BRDT: variants seen among roughly 807,000 people sequenced by gnomAD.
The protein encoded by BRDT is bromodomain testis-specific protein.
In BRDT, 77 loss-of-function variants were observed where a neutral mutation model predicts 113.9. The ratio of observed to expected loss-of-function variants is 0.68; its 90% confidence interval spans 0.56 to 0.82. The LOEUF is 0.82. Among genes scored for constraint, BRDT ranks in the 40% least tolerant of loss-of-function variants. BRDT has a pLI of 0.00. For synonymous variants in BRDT, 358 were observed against 366.5 expected (o/e 0.98, Z 0.26); for missense variants, 1,027 against 1,105.4 (o/e 0.93, Z 1.01).
rs1684732192 is a variant in BRDT at position 91,981,537 on chromosome 1, C to T, written c.1865-81C>T. ...GAGATTACAGGCATGCGCGACCATG[C>T]CCAGCCTAGGTGGCAGTTTTTAAAT... On this transcript the variant is annotated intron_variant, in intron 11 of 18. Transcript: ENST00000399546. 3 of 1,578,302 alleles carry T rather than the reference C, an allele frequency of 1.9e-6. No homozygotes were observed. The South Asian group carries it at 3.5e-5, about 19-fold the overall frequency.
In BRDT at chr1:91,962,945, C is replaced by T. The variant is rs1682645930; in HGVS notation, c.191C>T (p.Pro64Leu). ...RPVDAVKLQL[P>L]DYYTIIKNPM... The stretch of plus-strand genomic sequence containing the variant: ...GTGGATGCTGTGAAACTACAGTTGC[C>T]TGTATGTATGTCTTCAACTATGTTA... Residue 64 changes from proline to leucine, a missense_variant and splice_region_variant, in exon 2 of 19, where the codon CCT becomes CTT. Pro to Leu is a moderately conservative substitution (Grantham distance 98). Coordinates refer to ENST00000399546, the MANE Select transcript of BRDT (RefSeq NM_207189.4). 2 of 1,582,272 alleles carry T rather than the reference C, an allele frequency of 1.3e-6. No individual in the cohort carries two copies. The highest frequency in any genetic ancestry group is 4.5e-5 in the East Asian group (2 of 44,252).
intron 3 of BRDT, among the ~76,000 whole-genome samples, chr1:91,967,326 TC>T (rs986739170): frequency 5.6e-4 from 85 of 151,538 alleles, no homozygotes; most frequent in African/African-American, 2.0e-3. Context: ...AACCTCCACC[TC>T]CCGGTTCAAG....
intron 12 of BRDT, among the ~76,000 whole-genome samples, chr1:91,990,222 A>G (rs1416474576): frequency 6.6e-6 from 1 of 152,228 alleles, no homozygotes; most frequent in Non-Finnish European, 1.5e-5. Flanking sequence ...TGCCAGTGTC[A>G]GCTGTACAGT....
At chr1:91,990,880 C>T (rs550452161) in intron 12 of BRDT, among the ~76,000 whole-genome samples, 6 of 152,304 alleles carry the variant, frequency 3.9e-5, no homozygotes, top group African/African-American at 1.4e-4. Flanking sequence ...TCACTGCAAC[C>T]TCCGCTTCCC....
chr1:92,014,088 T>C (rs1212567542), intron 18 of BRDT, 118 bp from the exon 19 acceptor site: 2 of 640,806 alleles, frequency 3.1e-6, no homozygotes, highest in Non-Finnish European at 5.2e-6. Flanking sequence ...ATTAAAAAAT[T>C]ATTGAATAGT....
chr1:91,986,985 T>TGG (rs1398377998), intron 12 of BRDT, among the ~76,000 whole-genome samples: 1 of 151,934 alleles, frequency 6.6e-6, no homozygotes, highest in African/African-American at 2.4e-5. Flanking sequence ...TTGCCAAGGC[T>TGG]GGAGGGCAGT....
intron 18 of BRDT, among the ~76,000 whole-genome samples, chr1:92,010,007 A>G (rs1468065849): frequency 1.3e-5 from 2 of 151,988 alleles, no homozygotes; most frequent in Non-Finnish European, 2.9e-5. Context: ...CAGTACTATT[A>G]TCTTTGGTCT....
At chr1:91,979,031 A>AAAC (rs1684453663) in intron 7 of BRDT, among the ~76,000 whole-genome samples, 1 of 151,374 alleles carries the variant, frequency 6.6e-6, no homozygotes, top group Non-Finnish European at 1.5e-5. Flanking sequence ...AACAACAAAA[A>AAAC]AAACCCTATA....
chr1:91,961,163 T>C (rs1682404269), intron 1 of BRDT, among the ~76,000 whole-genome samples: 1 of 151,806 alleles, frequency 6.6e-6, no homozygotes, highest in African/African-American at 2.4e-5. Flanking sequence ...ATACAAAAAT[T>C]AGCTGGGCGT....
In BRDT at chr1:92,014,272, T is replaced by A. The variant is rs532481858; in HGVS notation, c.2842T>A (p.Ter948LysextTer12). Residue 948 changes from the stop codon to lysine (K), a stop_lost, in exon 19 of 19, where the codon TAA (stop) becomes AAA (lysine). Coordinates refer to ENST00000399546, the MANE Select transcript of BRDT (RefSeq NM_207189.4). ...GACAATGTTTGAAAACAACTTTGAT[T>A]AAAACTCAGTTTTTAAATTAACCAT... ...IMTMFENNFD[*>K] 40 of 1,581,124 alleles carry A rather than the reference T, an allele frequency of 2.5e-5. No homozygotes were observed. Among genetic ancestry groups the A allele is most frequent in the Admixed American group, 7.3e-5 (4 of 54,912 alleles).
chr1:91,987,305 C>A (rs1685337411), intron 12 of BRDT, among the ~76,000 whole-genome samples: 1 of 151,996 alleles, frequency 6.6e-6, no homozygotes. Flanking sequence ...ATTATTTCTG[C>A]TATATATGGC....
chr1:91,955,454 AAAAAC>A (rs1405046458), intron 1 of BRDT, among the ~76,000 whole-genome samples: 5 of 152,170 alleles, frequency 3.3e-5, no homozygotes, highest in African/African-American at 4.8e-5. Context: ...ACTCCATCTT[AAAAAC>A]AAAACAAAAC....
At chr1:92,013,393 G>A (rs1021312046) in intron 18 of BRDT, among the ~76,000 whole-genome samples, 1 of 152,112 alleles carries the variant, frequency 6.6e-6, no homozygotes, top group African/African-American at 2.4e-5. Context: ...TAGCTAATGA[G>A]AATGCTAATT....
chr1:91,978,869 G>A (rs972392347), intron 7 of BRDT, among the ~76,000 whole-genome samples: 14 of 151,830 alleles, frequency 9.2e-5, no homozygotes, highest in Admixed American at 7.9e-4. Context: ...AGGCATGGTG[G>A]CGCCTGTAGT....
At chr1:91,978,121 TATTGA>T (rs759909852) in intron 6 of BRDT, 42 bp from the exon 7 acceptor site, 22 of 1,528,634 alleles carry the variant, frequency 1.4e-5, no homozygotes, top group Middle Eastern at 1.8e-4. Flanking sequence ...GTCAAATAAT[TATTGA>T]ATTGAACTAT....
In BRDT at chr1:91,975,499, A is replaced by G. The variant is rs202062139; in HGVS notation, c.446-767A>G. 9.8e-5 allele frequency among the ~76,000 whole-genome samples: 15 copies of G among 152,286 alleles called. 1 individual carries two copies. Among genetic ancestry groups the G allele is most frequent in the East Asian group, 5.8e-4 (3 of 5,170 alleles). ...AAAGACCTGCCTGGATGTTATTGCA[A>G]TAATTGAGTTGTGCACTGATGATGC... is the stretch of plus-strand genomic sequence containing the variant. On this transcript the variant is annotated intron_variant, in intron 4 of 18. Coordinates refer to ENST00000399546, the MANE Select transcript of BRDT (RefSeq NM_207189.4).
At chr1:91,962,044 C>T (rs929507295) in intron 1 of BRDT, among the ~76,000 whole-genome samples, 4 of 148,200 alleles carry the variant, frequency 2.7e-5, no homozygotes, top group African/African-American at 7.4e-5. Flanking sequence ...ACTCGGGAGG[C>T]GGAGGCAGGA....
In BRDT at chr1:91,978,315, T is replaced by G; in HGVS notation, c.1098+19T>G. ...GCTTCAGGTGAGCTGTTACTTGTGC[T>G]CTGAAGGTGTTTTTCCTCTGAACAT... On this transcript the variant is annotated intron_variant, in intron 7 of 18. Coordinates refer to ENST00000399546, the MANE Select transcript of BRDT (RefSeq NM_207189.4). The G allele has an allele frequency of 6.2e-7, 1 of 1,611,608 alleles. No homozygotes were observed. Among genetic ancestry groups the G allele is most frequent in the Non-Finnish European group, 8.5e-7 (1 of 1,179,118 alleles).
intron 18 of BRDT, among the ~76,000 whole-genome samples, chr1:92,009,695 T>C (rs949495037): frequency 2.6e-5 from 4 of 151,788 alleles, no homozygotes; most frequent in Non-Finnish European, 4.4e-5. Flanking sequence ...ACCACAGGCA[T>C]GCACCACCAC....
Sources: allele counts gnomAD v4.1 joint callset (sites outside exome capture counted in the v4.1 genomes callset), GRCh38; gene constraint gnomAD v4.1.1; transcripts MANE v1.5; gene names NCBI Gene and HGNC (gene_info 2026-07-23, HGNC 2026-07-21).